KDM3B: variants seen among roughly 807,000 people sequenced by gnomAD.
KDM3B encodes lysine demethylase 3B, also known as lysine-specific demethylase 3B.
A neutral mutation model predicts 170.0 loss-of-function variants in KDM3B; 10 were observed. The observed-to-expected ratio is 0.06, with a 90% CI of 0.04 to 0.10. The LOEUF is 0.10. Ranked by LOEUF, KDM3B falls within the 10% of genes least tolerant of loss-of-function variation. The pLI is 1.00. For synonymous variants in KDM3B, 831 were observed against 834.8 expected (o/e 1.00, Z 0.08); for missense variants, 1,394 against 2,195.2 (o/e 0.64, Z 7.29).
At chr5:138,384,194 C>T (rs1439626325) in intron 6 of KDM3B, among the ~76,000 whole-genome samples, 4 of 145,458 alleles carry the variant, frequency 2.7e-5, no homozygotes, top group South Asian at 2.2e-4. Context: ...TGCAGTGAGC[C>T]GAGATCGTGC....
chr5:138,400,258 A>G (rs1167411317), intron 11 of KDM3B, among the ~76,000 whole-genome samples: 1 of 151,598 alleles, frequency 6.6e-6, no homozygotes, highest in Non-Finnish European at 1.5e-5. Context: ...TTTTTAAGGC[A>G]GATTCTCGCT....
intron 11 of KDM3B, among the ~76,000 whole-genome samples, chr5:138,405,148 A>G (rs1561782255): frequency 6.6e-6 from 1 of 151,032 alleles, no homozygotes; most frequent in East Asian, 1.9e-4. Context: ...GGTTCAAGTG[A>G]TTCTCCTGCC....
chr5:138,393,625 T>G (rs1385152972), intron 9 of KDM3B, among the ~76,000 whole-genome samples: 2 of 152,176 alleles, frequency 1.3e-5, no homozygotes, highest in African/African-American at 2.4e-5. Context: ...ATTCCCTGAG[T>G]AATTCCTAAC....
At position 138,392,001 on chromosome 5, in the gene KDM3B, C is replaced by T; in HGVS notation, c.2369C>T (p.Pro790Leu). ...PADFSQENKA[P>L]FEAVKRFSLD... The stretch of plus-strand genomic sequence containing the variant: ...GATTTTTCACAGGAGAACAAAGCTC[C>T]TTTTGAAGCTGTGAAAAGGTTCTCA... Residue 790 changes from proline (P) to leucine (L), a missense_variant, in exon 8 of 24, where the codon CCT (proline) becomes CTT (leucine). Coordinates refer to ENST00000314358, the MANE Select transcript of KDM3B (RefSeq NM_016604.4). 6.2e-7 allele frequency: 1 copy of T among 1,613,984 alleles called. No individual in the cohort carries two copies. Among genetic ancestry groups the T allele is most frequent in the Non-Finnish European group, 8.5e-7 (1 of 1,179,828 alleles).
intron 5 of KDM3B, among the ~76,000 whole-genome samples, chr5:138,380,248 A>C (rs1425657198): frequency 6.6e-6 from 1 of 151,630 alleles, no homozygotes; most frequent in Admixed American, 6.6e-5. Flanking sequence ...CAGCCTCCCA[A>C]AGTGTTGGGA....
intron 23 of KDM3B, 28 bp downstream of exon 23, chr5:138,431,587 C>CT (rs1240981994): frequency 8.3e-6 from 13 of 1,567,296 alleles, no homozygotes; most frequent in Non-Finnish European, 1.1e-5. Flanking sequence ...CTACCCCACT[C>CT]TGTCTTCTCA....
chr5:138,378,515 G>A (rs1762052761), intron 4 of KDM3B, among the ~76,000 whole-genome samples: 1 of 151,964 alleles, frequency 6.6e-6, no homozygotes. Context: ...TAAACTATTG[G>A]CTTCATTTAT....
intron 1 of KDM3B, among the ~76,000 whole-genome samples, chr5:138,368,702 A>G (rs1409292741): frequency 6.6e-6 from 1 of 152,206 alleles, no homozygotes; most frequent in African/African-American, 2.4e-5. Context: ...TATTGCTCTC[A>G]AAACAAATTC....
At chr5:138,355,316 A>G (rs1761422689) in intron 1 of KDM3B, among the ~76,000 whole-genome samples, 1 of 152,244 alleles carries the variant, frequency 6.6e-6, no homozygotes, top group South Asian at 2.1e-4. Flanking sequence ...TTTAGATTCC[A>G]CGAATACATC....
chr5:138,382,995 A>G (rs1259659260), intron 6 of KDM3B, among the ~76,000 whole-genome samples: 2 of 152,106 alleles, frequency 1.3e-5, no homozygotes, highest in Admixed American at 6.6e-5. Context: ...ACTGGTCTCA[A>G]TGTTGTAGGC....
At chr5:138,403,668 ACT>A (rs1374530285) in intron 11 of KDM3B, among the ~76,000 whole-genome samples, 8 of 131,392 alleles carry the variant, frequency 6.1e-5, no homozygotes, top group African/African-American at 1.4e-4. Context: ...CAAGAGCGAA[ACT>A]CTGTCTCAAA....
intron 5 of KDM3B, among the ~76,000 whole-genome samples, chr5:138,380,099 C>T (rs1762089460): frequency 6.6e-6 from 1 of 151,950 alleles, no homozygotes; most frequent in Non-Finnish European, 1.5e-5. Context: ...GCAGTTCTCC[C>T]ACCTCACCCT....
intron 1 of KDM3B, among the ~76,000 whole-genome samples, chr5:138,370,853 G>C (rs986381645): frequency 6.6e-5 from 10 of 151,734 alleles, no homozygotes; most frequent in African/African-American, 2.2e-4. Context: ...TTGTTGCCCA[G>C]GCTGGAGTGC....
In KDM3B at chr5:138,372,828, A is replaced by G. The variant is rs776554818; in HGVS notation, c.347A>G (p.Gln116Arg). 2 of 1,613,456 alleles carry G rather than the reference A, an allele frequency of 1.2e-6. No homozygotes were observed. The highest frequency in any genetic ancestry group is 2.7e-5 in the African/African-American group (2 of 74,892). Residue 116 changes from glutamine (Q) to arginine (R), a missense_variant, in exon 2 of 24, where the codon CAA (glutamine) becomes CGA (arginine). Physicochemically the swap from Gln to Arg is conservative, Grantham distance 43 (BLOSUM62 1). Coordinates refer to ENST00000314358, the MANE Select transcript of KDM3B (RefSeq NM_016604.4). ...CAGGGCATTCGAGTCTCCATTGCAC[A>G]ATGGCCAGCCCTGGTGAGTGGCTTT... ...LLQGIRVSIA[Q>R]WPALTFTPLV...
chr5:138,401,013 C>G (rs552258579), intron 11 of KDM3B, among the ~76,000 whole-genome samples: 1 of 152,226 alleles, frequency 6.6e-6, no homozygotes, highest in South Asian at 2.1e-4. Context: ...TGGCTCACGC[C>G]TGTAATCCCA....
chr5:138,419,717 A>G (rs1409377790), intron 14 of KDM3B, among the ~76,000 whole-genome samples: 3 of 78,064 alleles, frequency 3.8e-5, no homozygotes, highest in Non-Finnish European at 7.0e-5. Context: ...ACACATATAT[A>G]TACACACACA....
chr5:138,357,708 T>A (rs1489435254), intron 1 of KDM3B, among the ~76,000 whole-genome samples: 1 of 152,042 alleles, frequency 6.6e-6, no homozygotes, highest in Non-Finnish European at 1.5e-5. Flanking sequence ...ATCTGGAATT[T>A]ATTTTTTTAT....
At chr5:138,371,421 A>C (rs1351550794) in intron 1 of KDM3B, among the ~76,000 whole-genome samples, 1 of 150,670 alleles carries the variant, frequency 6.6e-6, no homozygotes, top group African/African-American at 2.4e-5. Context: ...GTGCCACAAC[A>C]CTCAGTTTGG....
intron 1 of KDM3B, among the ~76,000 whole-genome samples, chr5:138,355,716 T>C (rs1761432268): frequency 6.6e-6 from 1 of 152,256 alleles, no homozygotes; most frequent in Admixed American, 6.5e-5. Flanking sequence ...TAAATCATTA[T>C]TGGCTCATGT....
Sources: gnomAD v4.1 joint callset for allele counts (sites outside exome capture counted in the v4.1 genomes callset) on GRCh38, gnomAD v4.1.1 for gene constraint, MANE v1.5 for transcripts, NCBI Gene and HGNC (gene_info 2026-07-23, HGNC 2026-07-21) for gene names.